Variants in HDAC5 observed in about 807,000 individuals in gnomAD.
The protein encoded by HDAC5 is histone deacetylase 5, also known as antigen NY-CO-9.
A neutral mutation model predicts 133.3 loss-of-function variants in HDAC5; 25 were observed. The ratio of observed to expected loss-of-function variants is 0.19; its 90% CI spans 0.14 to 0.26. HDAC5 has a LOEUF of 0.26. Ranked by LOEUF, HDAC5 falls within the 10% of genes least tolerant of loss-of-function variation. The probability of loss-of-function intolerance (pLI) is 1.00; values close to 1 mark genes in which losing one functional copy is unlikely to be tolerated. For synonymous variants in HDAC5, 589 were observed against 610.8 expected, an observed-to-expected ratio of 0.96 and a Z score of 0.53; for missense variants, 1,041 against 1,460.5, an observed-to-expected ratio of 0.71 and a Z score of 4.68.
chr17:44,082,943 A>G (rs2050465672), intron 18 of HDAC5, 123 bp from the exon 19 acceptor site: 1 of 795,868 alleles, frequency 1.3e-6, no homozygotes, highest in South Asian at 1.6e-5. Context: ...GCAGATCCAT[A>G]TGTTTAATGC....
chr17:44,104,795 C>CA (rs1195930984), intron 3 of HDAC5, among the ~76,000 whole-genome samples: 1 of 141,364 alleles, frequency 7.1e-6, no homozygotes, highest in Non-Finnish European at 1.5e-5. Context: ...GCTCCAACCT[C>CA]ACTGAGCCCC....
At chr17:44,089,930 TC>T (rs2050859009) in intron 11 of HDAC5, among the ~76,000 whole-genome samples, 1 of 18,482 alleles carries the variant, frequency 5.4e-5, no homozygotes, top group African/African-American at 1.4e-4. Flanking sequence ...AGATTCTGTC[TC>T]AAAAAAAAAA....
At chr17:44,097,947 T>C (rs556673291) in intron 3 of HDAC5, among the ~76,000 whole-genome samples, 6 of 152,244 alleles carry the variant, frequency 3.9e-5, no homozygotes, top group Non-Finnish European at 5.9e-5. Flanking sequence ...CACAGCCCTA[T>C]TGGTATGCAG....
chr17:44,094,814 A>G (rs916971568), intron 3 of HDAC5, among the ~76,000 whole-genome samples: 1 of 151,912 alleles, frequency 6.6e-6, no homozygotes, highest in Non-Finnish European at 1.5e-5. Flanking sequence ...CTACCTATAT[A>G]TATATCAGAG....
rs1475406986 is a variant in HDAC5, at chr17:44,108,754, AAAAAAAAC to A, written c.94+1967_94+1974del. On this transcript the variant is annotated intron_variant, in intron 3 of 26. Transcript: ENST00000682912. ...CATCTATTTACATTCCAGAGTCCAA[AAAAAAAAC>A]AAAAAAAAAACAAAAAAAAAACAAG... is the stretch of plus-strand genomic sequence containing the variant. 1.2e-4 allele frequency among the ~76,000 whole-genome samples: 16 copies of A among 131,790 alleles called. No homozygotes were observed. In the South Asian group the frequency reaches 2.3e-3, roughly 19 times the overall value. The allele number at this position is 131,790 out of a possible 152,430, so 86.5% of individuals were successfully genotyped here.
intron 10 of HDAC5, 27 bp from the exon 11 acceptor site, chr17:44,091,519 C>A: frequency 6.5e-7 from 1 of 1,537,326 alleles, no homozygotes; most frequent in Non-Finnish European, 8.7e-7. Flanking sequence ...GGGGCTTATA[C>A]AGCCTCAGTC....
At position 44,091,835 on chromosome 17, in the gene HDAC5, G is replaced by A; in HGVS notation, c.1033-4C>T. ...GGGCTCGGTGCTGAGGGAGCATCTG[G>A]GGAGCAGTCAGAAGAGACAGGCATG... On this transcript the variant is annotated splice_polypyrimidine_tract_variant and splice_region_variant and intron_variant, in intron 9 of 26. Coordinates refer to ENST00000682912, the MANE Select transcript of HDAC5 (RefSeq NM_005474.5). The A allele has an allele frequency of 6.4e-7, 1 of 1,551,456 alleles. No individual in the cohort carries two copies. The highest frequency in any genetic ancestry group is 2.0e-5 in the Admixed American group (1 of 48,942).
At position 44,082,831 on chromosome 17, in the gene HDAC5, G is replaced by T. The variant is rs1379783061; in HGVS notation, c.2464-11C>A. 4 of 1,552,236 alleles carry T rather than the reference G, an allele frequency of 2.6e-6. No homozygotes were observed. The highest frequency in any genetic ancestry group is 3.5e-6 in the Non-Finnish European group (4 of 1,147,276). ...GATGGCAAATCCATTCTGAAGAGGT[G>T]CAGGCAGAGGTGAGGGGCAAGATCC... On this transcript the variant is annotated splice_polypyrimidine_tract_variant and intron_variant, in intron 18 of 26. Coordinates refer to ENST00000682912, the MANE Select transcript of HDAC5 (RefSeq NM_005474.5).
intron 3 of HDAC5, among the ~76,000 whole-genome samples, chr17:44,095,272 G>T (rs912386588): frequency 2.0e-5 from 3 of 152,166 alleles, no homozygotes; most frequent in African/African-American, 7.2e-5. Flanking sequence ...CCAATAACTA[G>T]AATATGAGTC....
chr17:44,097,510 G>A (rs2051344585), intron 3 of HDAC5, among the ~76,000 whole-genome samples: 1 of 152,346 alleles, frequency 6.6e-6, no homozygotes, highest in African/African-American at 2.4e-5. Flanking sequence ...CTTCCTGGAG[G>A]TAACTAGCCA....
At position 44,076,800 on chromosome 17, in the gene HDAC5, G is replaced by A. The variant is rs541118040; in HGVS notation, c.*1576C>T. 15 of 165,126 alleles carry A rather than the reference G, an allele frequency of 9.1e-5. No homozygotes were observed. The highest frequency in any genetic ancestry group is 3.4e-4 in the African/African-American group (14 of 41,672). 10.2% of individuals were successfully genotyped at this position (165,126 alleles called of 1,614,324 possible). ...TTTACACAAGGACACACAGTGTAAC[G>A]GGTTACAAAATACTTAACTGAAATC... On this transcript the variant is annotated 3_prime_UTR_variant, in exon 27 of 27. Transcript: ENST00000682912.
chr17:44,104,056 C>G (rs1028474519), intron 3 of HDAC5, among the ~76,000 whole-genome samples: 1 of 151,828 alleles, frequency 6.6e-6, no homozygotes, highest in Non-Finnish European at 1.5e-5. Flanking sequence ...TGCAGTGGCT[C>G]ACACCTGTAA....
intron 2 of HDAC5, among the ~76,000 whole-genome samples, chr17:44,115,571 G>A (rs754334182): frequency 2.8e-4 from 42 of 152,214 alleles, no homozygotes; most frequent in Admixed American, 1.4e-3. Flanking sequence ...AAGAGCTGGG[G>A]GGAGGCTGAC....
At chr17:44,119,324 G>A (rs985856073) in intron 1 of HDAC5, among the ~76,000 whole-genome samples, 3 of 152,208 alleles carry the variant, frequency 2.0e-5, no homozygotes, top group Non-Finnish European at 4.4e-5. Flanking sequence ...AAATGCCCAC[G>A]ATTCCCAGCA....
At position 44,078,503 on chromosome 17, in the gene HDAC5, G is replaced by A; in HGVS notation, c.3326C>T (p.Pro1109Leu). 6.2e-7 allele frequency: 1 copy of A among 1,607,074 alleles called. No individual in the cohort carries two copies. Among genetic ancestry groups the A allele is most frequent in the Non-Finnish European group, 8.5e-7 (1 of 1,176,426 alleles). Residue 1109 changes from proline (P) to leucine (L), a missense_variant, in exon 26 of 27, where the codon CCC becomes CTC. Transcript: ENST00000682912. ...AQAAAAREHS[P>L]RPAEEPMEQE... ...GGTGGTGCGGGTTGCTGCTTACCTG[G>A]GGCTGTGTTCCCGGGCTGCCGCAGC... is the stretch of plus-strand genomic sequence containing the variant.
intron 3 of HDAC5, among the ~76,000 whole-genome samples, chr17:44,095,456 TC>T (rs1377720407): frequency 2.0e-5 from 3 of 150,924 alleles, no homozygotes; most frequent in Non-Finnish European, 4.4e-5. Context: ...CTACCCTCTG[TC>T]CCCTTCTGGG....
intron 3 of HDAC5, among the ~76,000 whole-genome samples, chr17:44,096,448 A>C (rs1424534179): frequency 1.3e-5 from 2 of 151,188 alleles, no homozygotes; most frequent in African/African-American, 4.9e-5. Context: ...GAAAAAAAAA[A>C]CAAAAAACAA....
chr17:44,110,684 G>C (rs1178937527), intron 3 of HDAC5, 45 bp downstream of exon 3: 1 of 1,490,234 alleles, frequency 6.7e-7, no homozygotes, highest in African/African-American at 1.4e-5. Context: ...CCAGGGACAA[G>C]GATGCCAGAT....
chr17:44,110,682 A>G (rs1307275325), intron 3 of HDAC5, 47 bp downstream of exon 3: 3 of 1,479,752 alleles, frequency 2.0e-6, no homozygotes, highest in Non-Finnish European at 2.8e-6. Flanking sequence ...GCCCAGGGAC[A>G]AGGATGCCAG....
Sources: gnomAD v4.1 joint callset for allele counts (sites outside exome capture counted in the v4.1 genomes callset) on GRCh38, gnomAD v4.1.1 for gene constraint, MANE v1.5 for transcripts, NCBI Gene and HGNC (gene_info 2026-07-23, HGNC 2026-07-21) for gene names.